The following SH3KBP1 variants were observed in gnomAD, a reference collection of about 807,000 sequenced individuals.
SH3KBP1 encodes SH3 domain-containing kinase-binding protein 1.
A neutral mutation model predicts 50.1 loss-of-function variants in SH3KBP1; 8 were observed. The ratio of observed to expected loss-of-function variants is 0.16; its 90% CI spans 0.09 to 0.29. The LOEUF (loss-of-function observed/expected upper bound fraction) is 0.29. Among genes scored for constraint, SH3KBP1 ranks in the 10% least tolerant of loss-of-function variants. The pLI, the probability that SH3KBP1 is intolerant of heterozygous loss-of-function variation, is 1.00. For synonymous variants in SH3KBP1, 227 were observed against 218.6 expected (o/e 1.04, Z -0.34); for missense variants, 377 against 535.2 (o/e 0.70, Z 2.92).
chrX:19,781,593 G>A (rs2066181238), intron 2 of SH3KBP1, among the ~76,000 whole-genome samples: 1 of 107,399 alleles, frequency 9.3e-6, no homozygotes, highest in South Asian at 4.3e-4. Flanking sequence ...ACTCTAGTCT[G>A]GGTGACAGAG....
chrX:19,828,245 T>C lies in SH3KBP1; in HGVS notation c.162+7880A>G, dbSNP rs895388161. ...CTAACTTAGCAATCTTATTTGAACA[T>C]TCCTTTTTCCACTGAGGTTTTTTTT... is the stretch of plus-strand genomic sequence containing the variant. On this transcript the variant is annotated intron_variant, in intron 2 of 17. Coordinates refer to ENST00000397821, the MANE Select transcript of SH3KBP1 (RefSeq NM_031892.3). Among the ~76,000 whole-genome samples the C allele has an allele frequency of 2.7e-5, 3 of 110,670 alleles. No homozygotes were observed. In the Admixed American group the frequency reaches 2.9e-4, roughly 11 times the overall value.
At chrX:19,882,842 C>T (rs898267977) in intron 1 of SH3KBP1, among the ~76,000 whole-genome samples, 4 of 111,896 alleles carry the variant, frequency 3.6e-5, no homozygotes, top group African/African-American at 6.5e-5. Context: ...ACACTGAGAT[C>T]GGCTGCCTAG....
intron 2 of SH3KBP1, among the ~76,000 whole-genome samples, chrX:19,834,007 C>T (rs958101208): frequency 2.7e-5 from 3 of 111,311 alleles, no homozygotes; most frequent in African/African-American, 6.5e-5. Flanking sequence ...GGGGGAAAGC[C>T]TATATTCCTA....
chrX:19,747,989 C>A (rs2064965507), intron 2 of SH3KBP1, among the ~76,000 whole-genome samples: 1 of 112,509 alleles, frequency 8.9e-6, no homozygotes, highest in Non-Finnish European at 1.9e-5. Context: ...GCAAACATTG[C>A]CCGCCTGAGC....
At chrX:19,572,509 A>G (rs1447516362) in intron 12 of SH3KBP1, among the ~76,000 whole-genome samples, 1 of 107,550 alleles carries the variant, frequency 9.3e-6, no homozygotes, top group Non-Finnish European at 1.9e-5. Flanking sequence ...GTACATATAT[A>G]TGTCACATAT....
chrX:19,737,639 A>T (rs1363360953), intron 3 of SH3KBP1, among the ~76,000 whole-genome samples: 1 of 111,678 alleles, frequency 9.0e-6, no homozygotes, highest in African/African-American at 3.3e-5. Flanking sequence ...ATCATAATAA[A>T]AACCACCTCT....
At chrX:19,822,735 T>C (rs2067562632) in intron 2 of SH3KBP1, among the ~76,000 whole-genome samples, 1 of 112,080 alleles carries the variant, frequency 8.9e-6, no homozygotes, top group African/African-American at 3.2e-5. Context: ...CCTTGGGCAC[T>C]TGGGTTATTA....
chrX:19,762,018 G>T (rs2065448795), intron 2 of SH3KBP1, among the ~76,000 whole-genome samples: 1 of 112,355 alleles, frequency 8.9e-6, no homozygotes, highest in Non-Finnish European at 1.9e-5. Context: ...CAGTCTGGTT[G>T]TGTCTGAAAG....
chrX:19,761,516 T>G (rs1204197848), intron 2 of SH3KBP1, among the ~76,000 whole-genome samples: 1 of 111,630 alleles, frequency 9.0e-6, no homozygotes, highest in East Asian at 2.8e-4. Context: ...AATGAAAACA[T>G]TAAGTATAGA....
intron 12 of SH3KBP1, among the ~76,000 whole-genome samples, chrX:19,572,373 A>G (rs1239790194): frequency 9.6e-6 from 1 of 104,084 alleles, no homozygotes; most frequent in East Asian, 2.8e-4. Flanking sequence ...TAGTACATAT[A>G]TGTTATATAT....
At chrX:19,648,920 G>C (rs966986625) in intron 6 of SH3KBP1, among the ~76,000 whole-genome samples, 8 of 111,443 alleles carry the variant, frequency 7.2e-5, no homozygotes, top group Admixed American at 3.8e-4. Context: ...TGGCTAATTG[G>C]GCTTAAAATG....
At chrX:19,729,340 T>A (rs1463810157) in intron 3 of SH3KBP1, among the ~76,000 whole-genome samples, 1 of 112,505 alleles carries the variant, frequency 8.9e-6, no homozygotes, top group Non-Finnish European at 1.9e-5. Context: ...AGTTCATACA[T>A]CAATGTGAAT....
At chrX:19,543,907 C>T (rs1000219422) in intron 15 of SH3KBP1, among the ~76,000 whole-genome samples, 3 of 110,670 alleles carry the variant, frequency 2.7e-5, no homozygotes, top group African/African-American at 9.9e-5. Context: ...AGGCAGGTGG[C>T]GAGGAGGGAA....
At chrX:19,661,955 A>G (rs2062470162) in intron 6 of SH3KBP1, among the ~76,000 whole-genome samples, 2 of 111,668 alleles carry the variant, frequency 1.8e-5, no homozygotes, top group Admixed American at 1.9e-4. Flanking sequence ...AGAAAATAGC[A>G]TACACTGAGG....
chrX:19,568,570 C>A (rs751697181), intron 13 of SH3KBP1, among the ~76,000 whole-genome samples: 3 of 112,279 alleles, frequency 2.7e-5, no homozygotes, highest in African/African-American at 9.7e-5. Flanking sequence ...CTCACGTACA[C>A]CTCCAAAAGG....
intron 3 of SH3KBP1, among the ~76,000 whole-genome samples, chrX:19,726,841 C>G (rs931158814): frequency 8.0e-5 from 9 of 111,943 alleles, no homozygotes; most frequent in African/African-American, 2.9e-4. Flanking sequence ...AGAAACATTG[C>G]TTTTTAGAGT....
At chrX:19,743,366 G>A (rs780184649) in intron 3 of SH3KBP1, among the ~76,000 whole-genome samples, 2 of 109,549 alleles carry the variant, frequency 1.8e-5, no homozygotes, top group Non-Finnish European at 3.8e-5. Context: ...CCATGATCGC[G>A]CCACTGCACT....
intron 2 of SH3KBP1, among the ~76,000 whole-genome samples, chrX:19,802,068 G>T (rs1433715983): frequency 9.2e-6 from 1 of 108,744 alleles, no homozygotes; most frequent in Non-Finnish European, 1.9e-5. Flanking sequence ...ACAGAGCAAG[G>T]CTCTGTCTCG....
chrX:19,826,426 A>G (rs1256325575), intron 2 of SH3KBP1, among the ~76,000 whole-genome samples: 2 of 110,514 alleles, frequency 1.8e-5, no homozygotes, highest in Non-Finnish European at 3.8e-5. Flanking sequence ...CCTGCCTATA[A>G]CCCTGGCATT....
Sources: gnomAD v4.1 joint callset for allele counts (sites outside exome capture counted in the v4.1 genomes callset) on GRCh38, gnomAD v4.1.1 for gene constraint, MANE v1.5 for transcripts, NCBI Gene and HGNC (gene_info 2026-07-23, HGNC 2026-07-21) for gene names.